Variants in KCNH5 observed in about 807,000 individuals in gnomAD.
KCNH5 encodes potassium voltage-gated channel subfamily H member 5, also known as voltage-gated delayed rectifier potassium channel KCNH5.
KCNH5 carries 46 observed loss-of-function variants against 96.1 expected under a neutral mutation model. The ratio of observed to expected loss-of-function variants is 0.48; its 90% CI spans 0.38 to 0.61. The LOEUF is 0.61. Ranked by LOEUF, KCNH5 falls within the 20% of genes least tolerant of loss-of-function variation. The pLI is 0.00. For missense variants in KCNH5, 907 were observed against 1,225.8 expected (o/e 0.74, Z 3.88); for synonymous variants, 439 against 449.8 (o/e 0.98, Z 0.30).
chr14:62,946,363 T>A (rs936560675), intron 7 of KCNH5, among the ~76,000 whole-genome samples: 1 of 152,148 alleles, frequency 6.6e-6, no homozygotes, highest in Non-Finnish European at 1.5e-5. Context: ...CTCTGTAAAA[T>A]AGTTTGGCAA....
intron 7 of KCNH5, among the ~76,000 whole-genome samples, chr14:62,857,063 T>C (rs925513188): frequency 6.6e-6 from 1 of 152,224 alleles, no homozygotes; most frequent in African/African-American, 2.4e-5. Context: ...ATTGGATAGA[T>C]GTCACCTATC....
chr14:62,787,169 T>C (rs1259231739), intron 9 of KCNH5, among the ~76,000 whole-genome samples: 1 of 152,138 alleles, frequency 6.6e-6, no homozygotes, highest in Non-Finnish European at 1.5e-5. Context: ...ACAGTAAAAG[T>C]TCTTAAAGGA....
rs181250827 is a variant in KCNH5 at position 63,031,035 on chromosome 14, C to T, written c.73+14079G>A. Among the ~76,000 whole-genome samples, 505 of 152,086 alleles carry T rather than the reference C, an allele frequency of 3.3e-3. 4 individuals are homozygous for T. Among genetic ancestry groups the T allele is most frequent in the Non-Finnish European group, 2.0e-3 (139 of 67,996 alleles). ...AAGATCCTCAGGTGACCCCAAAATGCACCCATCTTCTGCTTTTCCTTTCTT... is the reference window on the plus strand; with the variant it reads ...AAGATCCTCAGGTGACCCCAAAATGTACCCATCTTCTGCTTTTCCTTTCTT... On this transcript the variant is annotated intron_variant, in intron 1 of 10. Coordinates refer to ENST00000322893, the MANE Select transcript of KCNH5 (RefSeq NM_139318.5).
At chr14:62,887,317 G>A (rs937670186) in intron 7 of KCNH5, among the ~76,000 whole-genome samples, 1 of 152,112 alleles carries the variant, frequency 6.6e-6, no homozygotes, top group Non-Finnish European at 1.5e-5. Context: ...TAGATATTCT[G>A]GTAGTGCTGC....
rs150560746 is a variant in KCNH5, at chr14:62,829,876, C to T, written c.1569+19777G>A. On this transcript the variant is annotated intron_variant, in intron 8 of 10. Coordinates refer to ENST00000322893, the MANE Select transcript of KCNH5 (RefSeq NM_139318.5). ...ATGGTCAGGCTGCAAATTTTCTAAA[C>T]TTTTATGCTCTGCTTCACTTTTAAA... Among the ~76,000 whole-genome samples, 73 of 152,286 alleles carry T rather than the reference C, an allele frequency of 4.8e-4. No homozygotes were observed. In the East Asian group the frequency reaches 0.014, roughly 29 times the overall value.
In KCNH5 at chr14:62,780,040, T is replaced by C. The variant is rs900265604; in HGVS notation, c.1823-116A>G. 4.3e-6 allele frequency: 3 copies of C among 700,752 alleles called. No individual in the cohort carries two copies. In the African/African-American group the frequency reaches 5.4e-5, roughly 13 times the overall value. 43.4% of individuals were successfully genotyped at this position (700,752 alleles called of 1,614,324 possible). A position where few individuals can be genotyped will look rare whatever the true frequency, so the allele number is the denominator to read the frequency against. ...TTCTAGCATAATTTAGAGCTGAGGGTATAACCACATCTATAAACACATAAC... is the reference window on the plus strand; with the variant it reads ...TTCTAGCATAATTTAGAGCTGAGGGCATAACCACATCTATAAACACATAAC... On this transcript the variant is annotated intron_variant, in intron 9 of 10. Transcript: ENST00000322893.
In KCNH5 at chr14:62,854,010, A is replaced by C. The variant is rs542908944; in HGVS notation, c.1370-4158T>G. Among the ~76,000 whole-genome samples, 27 of 147,030 alleles carry C rather than the reference A, an allele frequency of 1.8e-4. No individual in the cohort carries two copies. In the South Asian group the frequency reaches 2.8e-3, roughly 15 times the overall value. On this transcript the variant is annotated intron_variant, in intron 7 of 10. Transcript: ENST00000322893. ...CGACAGAGCGAGACTCTGTCAAAAA[A>C]AAAAAAAACAAAAAAAACAAAAAAA...
chr14:62,704,343 C>CA lies in KCNH5; in HGVS notation c.*3164dup, dbSNP rs1180124936. The CA allele has an allele frequency of 2.8e-4, 43 of 151,906 alleles. No individual in the cohort carries two copies. Among genetic ancestry groups the CA allele is most frequent in the Admixed American group, 2.8e-3 (43 of 15,256 alleles). 9.4% of individuals were successfully genotyped at this position (151,906 alleles called of 1,614,324 possible). A position where few individuals can be genotyped will look rare whatever the true frequency, so the allele number is the denominator to read the frequency against. On this transcript the variant is annotated 3_prime_UTR_variant, in exon 11 of 11. Coordinates refer to ENST00000322893, the MANE Select transcript of KCNH5 (RefSeq NM_139318.5). ...CTGTATTCAACCACGTCATTCAATT[C>CA]AACCACTGTGCCTGAACCATTTTCA...
chr14:62,782,638 G>A (rs1008124893), intron 9 of KCNH5, among the ~76,000 whole-genome samples: 2 of 151,922 alleles, frequency 1.3e-5, no homozygotes, highest in Non-Finnish European at 2.9e-5. Flanking sequence ...GTGAAACACC[G>A]TCTCTACTAA....
intron 8 of KCNH5, among the ~76,000 whole-genome samples, chr14:62,828,371 G>T (rs1887269001): frequency 6.6e-6 from 1 of 152,084 alleles, no homozygotes; most frequent in African/African-American, 2.4e-5. Context: ...AATAGTTGCT[G>T]TATTAATCCA....
In KCNH5 at chr14:62,787,822, G is replaced by A. The variant is rs143037272; in HGVS notation, c.1823-7898C>T. ...GCATCTGTTTATAGCATGCTTTACT[G>A]AATATTTTAAGCCTACTGTTGAGAC... On this transcript the variant is annotated intron_variant, in intron 9 of 10. Transcript: ENST00000322893. Among the ~76,000 whole-genome samples the A allele has an allele frequency of 3.1e-3, 473 of 152,268 alleles. 11 individuals are homozygous for A. The highest frequency in any genetic ancestry group is 0.026 in the Admixed American group (401 of 15,284).
chr14:62,722,192 A>G (rs1884830506), intron 10 of KCNH5, among the ~76,000 whole-genome samples: 1 of 152,238 alleles, frequency 6.6e-6, no homozygotes, highest in Non-Finnish European at 1.5e-5. Context: ...TACAGCACCC[A>G]GTACTTGCCT....
intron 7 of KCNH5, among the ~76,000 whole-genome samples, chr14:62,919,148 T>G (rs1889333536): frequency 6.6e-6 from 1 of 152,134 alleles, no homozygotes; most frequent in South Asian, 2.1e-4. Context: ...TTTATATATA[T>G]ACATGTGCCT....
rs376837885 is a variant in KCNH5, at chr14:62,707,843, C to A, written c.2632G>T (p.Ala878Ser). The change falls in exon 11 of 11, where the codon GCT (alanine) becomes TCT (serine). Residue 878 changes from alanine (A) to serine (S), a missense_variant. Transcript: ENST00000322893. Reference sequence around the variant, plus strand: ...TCTAGCGGACTTCGGGCCTCCCCAGCCTTATCCAAACGAAGGTCACTTTTT... The same window carrying A: ...TCTAGCGGACTTCGGGCCTCCCCAGACTTATCCAAACGAAGGTCACTTTTT... ...ITKSDLRLDK[A>S]GEARSPLEHS... 40 of 1,614,108 alleles carry A rather than the reference C, an allele frequency of 2.5e-5. No homozygotes were observed. The highest frequency in any genetic ancestry group is 1.6e-4 in the Middle Eastern group (1 of 6,062).
chr14:62,956,980 A>G (rs1361168847), intron 6 of KCNH5, among the ~76,000 whole-genome samples: 5 of 152,190 alleles, frequency 3.3e-5, no homozygotes, highest in Non-Finnish European at 7.3e-5. Context: ...CCTCTGAGCT[A>G]TTAGTACACA....
chr14:62,888,097 C>T (rs1888634362), intron 7 of KCNH5, among the ~76,000 whole-genome samples: 2 of 152,180 alleles, frequency 1.3e-5, no homozygotes, highest in South Asian at 4.1e-4. Flanking sequence ...AAGACTGAGG[C>T]TCTGCAGGTA....
intron 7 of KCNH5, among the ~76,000 whole-genome samples, chr14:62,868,552 T>C (rs1018278201): frequency 1.3e-5 from 2 of 152,192 alleles, no homozygotes; most frequent in Non-Finnish European, 2.9e-5. Context: ...AATTTTTTAA[T>C]TTAATTTTAT....
intron 10 of KCNH5, among the ~76,000 whole-genome samples, chr14:62,756,251 A>G (rs1885621183): frequency 6.6e-6 from 1 of 152,150 alleles, no homozygotes; most frequent in South Asian, 2.1e-4. Flanking sequence ...AGAGAATAAT[A>G]AGATCACTAT....
intron 6 of KCNH5, among the ~76,000 whole-genome samples, chr14:62,975,977 A>G (rs1890491517): frequency 6.6e-6 from 1 of 152,142 alleles, no homozygotes; most frequent in African/African-American, 2.4e-5. Flanking sequence ...TAATAGTATT[A>G]AGCAAACTAG....
Sources: allele counts gnomAD v4.1 joint callset (sites outside exome capture counted in the v4.1 genomes callset), GRCh38; gene constraint gnomAD v4.1.1; transcripts MANE v1.5; gene names NCBI Gene and HGNC (gene_info 2026-07-23, HGNC 2026-07-21).